The following DPP6 variants were observed in gnomAD, a reference collection of about 807,000 sequenced individuals.
The protein encoded by DPP6 is dipeptidyl peptidase like 6.
In DPP6, 69 loss-of-function variants were observed where a neutral mutation model predicts 122.6. The ratio of observed to expected loss-of-function variants is 0.56; its 90% confidence interval spans 0.46 to 0.69. DPP6 has a LOEUF of 0.69. Among genes scored for constraint, DPP6 ranks in the 30% least tolerant of loss-of-function variants. The pLI is 0.00. For synonymous variants in DPP6, 418 were observed against 433.1 expected (o/e 0.97, Z 0.43); for missense variants, 928 against 1,116.9 (o/e 0.83, Z 2.41).
the DPP6 span, among the ~76,000 whole-genome samples, chr7:153,845,897 T>C: frequency 6.6e-5 from 10 of 152,228 alleles, no homozygotes; most frequent in Non-Finnish European, 1.0e-4. Context: ...CAGGTTTGAA[T>C]GCACCTTGAT....
At chr7:153,799,777 T>C in the DPP6 span, among the ~76,000 whole-genome samples, 1 of 152,380 alleles carries the variant, frequency 6.6e-6, no homozygotes, top group Admixed American at 6.5e-5. Context: ...TCTCATTCTA[T>C]TATCCCAATA....
At chr7:154,305,090 C>T (rs1806199489) in intron 1 of DPP6, 1 of 221,390 alleles carries the variant, frequency 4.5e-6, no homozygotes, top group Admixed American at 6.9e-5. Context: ...CCCAGCCCGG[C>T]TGAGCGGGCG....
intron 1 of DPP6, among the ~76,000 whole-genome samples, chr7:154,198,335 AG>A (rs1216270315): frequency 6.7e-6 from 1 of 150,058 alleles, no homozygotes; most frequent in Admixed American, 6.6e-5. Context: ...TTTTTGAGAT[AG>A]GGTCTCACTC....
At chr7:154,136,160 T>C (rs1795547083) in intron 1 of DPP6, among the ~76,000 whole-genome samples, 1 of 152,164 alleles carries the variant, frequency 6.6e-6, no homozygotes, top group Non-Finnish European at 1.5e-5. Context: ...CTGGCCTCCC[T>C]GTGCAGTGCT....
intron 1 of DPP6, among the ~76,000 whole-genome samples, chr7:154,240,225 A>C (rs1438314359): frequency 6.6e-6 from 1 of 152,032 alleles, no homozygotes; most frequent in African/African-American, 2.4e-5. Flanking sequence ...AGCTAAGTTT[A>C]TGTCCAATGG....
intron 1 of DPP6, among the ~76,000 whole-genome samples, chr7:154,294,099 T>C (rs148970913): frequency 6.6e-6 from 1 of 152,344 alleles, no homozygotes. Context: ...TTATTCTGAC[T>C]TCAACGCTCA....
At chr7:154,864,838 A>G (rs768363297) in intron 17 of DPP6, among the ~76,000 whole-genome samples, 118 of 152,242 alleles carry the variant, frequency 7.8e-4, no homozygotes, top group Non-Finnish European at 1.3e-3. Flanking sequence ...GTGCGTTCCC[A>G]CATGAAACCA....
At chr7:153,757,759 A>G in the DPP6 span, among the ~76,000 whole-genome samples, 1 of 152,196 alleles carries the variant, frequency 6.6e-6, no homozygotes, top group African/African-American at 2.4e-5. Context: ...CGAGTTCAAG[A>G]TGAGCTTGGC....
chr7:154,002,541 T>C (rs1464020790), intron 1 of DPP6, among the ~76,000 whole-genome samples: 1 of 152,198 alleles, frequency 6.6e-6, no homozygotes, highest in Non-Finnish European at 1.5e-5. Context: ...CTCTAAACTA[T>C]TGGGAAACCT....
intron 1 of DPP6, among the ~76,000 whole-genome samples, chr7:154,116,830 A>C (rs1260143532): frequency 6.6e-6 from 1 of 152,208 alleles, no homozygotes; most frequent in Admixed American, 6.5e-5. Flanking sequence ...AGGGTAATAC[A>C]ATTTTTTTAA....
chr7:153,762,701 C>G, the DPP6 span, among the ~76,000 whole-genome samples: 3 of 151,966 alleles, frequency 2.0e-5, no homozygotes, highest in African/African-American at 7.3e-5. Context: ...AATCGCTTGA[C>G]CCCGGGAGGT....
At chr7:153,963,669 G>C (rs949061967) in intron 1 of DPP6, among the ~76,000 whole-genome samples, 1 of 152,132 alleles carries the variant, frequency 6.6e-6, no homozygotes, top group Non-Finnish European at 1.5e-5. Flanking sequence ...TCTCATAGGA[G>C]TGGGAACCCT....
At chr7:154,038,384 TA>T (rs1324038994) in intron 1 of DPP6, 2 of 61,418 alleles carry the variant, frequency 3.3e-5, no homozygotes, top group South Asian at 1.7e-3. Flanking sequence ...TTTTCAATTT[TA>T]AAAAAAAATC....
intron 1 of DPP6, among the ~76,000 whole-genome samples, chr7:154,386,646 A>G (rs1003060406): frequency 1.3e-5 from 2 of 152,182 alleles, no homozygotes; most frequent in African/African-American, 4.8e-5. Context: ...TTTTTTAAGC[A>G]AAGGGATTCT....
At chr7:153,761,772 C>T in the DPP6 span, among the ~76,000 whole-genome samples, 2,857 of 152,322 alleles carry the variant, frequency 0.019, 34 homozygotes, top group African/African-American at 0.036. Context: ...TTATCCAATG[C>T]CGAATACTAT....
intron 1 of DPP6, among the ~76,000 whole-genome samples, chr7:154,040,302 A>C (rs1799694771): frequency 6.8e-6 from 1 of 146,094 alleles, no homozygotes; most frequent in Non-Finnish European, 1.5e-5. Context: ...TGAAGCTGTA[A>C]GAAGTGTTTT....
At chr7:154,582,616 C>T (rs1024585113) in intron 5 of DPP6, among the ~76,000 whole-genome samples, 8 of 152,246 alleles carry the variant, frequency 5.3e-5, no homozygotes, top group African/African-American at 1.9e-4. Context: ...ACTTCACCTT[C>T]TCATCTTAGC....
At chr7:154,497,470 G>T (rs1236520406) in intron 3 of DPP6, among the ~76,000 whole-genome samples, 2 of 152,062 alleles carry the variant, frequency 1.3e-5, no homozygotes, top group Non-Finnish European at 2.9e-5. Context: ...TTAGCAGGAT[G>T]TGGTGGCGGG....
intron 3 of DPP6, among the ~76,000 whole-genome samples, chr7:154,494,408 G>A (rs115623873): frequency 0.056 from 8,238 of 148,020 alleles, 743 homozygotes; most frequent in African/African-American, 0.19. Context: ...TATAATATAT[G>A]ATAACATATA....
Sources: gnomAD v4.1 joint callset for allele counts (sites outside exome capture counted in the v4.1 genomes callset) on GRCh38, gnomAD v4.1.1 for gene constraint, MANE v1.5 for transcripts, NCBI Gene and HGNC (gene_info 2026-07-23, HGNC 2026-07-21) for gene names.